The following BMP6 variants were observed in gnomAD, a reference collection of about 807,000 sequenced individuals.
The protein encoded by BMP6 is bone morphogenetic protein 6.
Under a neutral mutation model 54.1 loss-of-function variants are expected in BMP6, and 17 were observed. That is an observed-to-expected ratio of 0.31 (90% confidence interval 0.22 to 0.47). The LOEUF is 0.47. Ranked by LOEUF, BMP6 falls within the 20% of genes least tolerant of loss-of-function variation. The pLI is 1.00. For missense variants in BMP6, 720 were observed against 690.4 expected, an observed-to-expected ratio of 1.04 and a Z score of -0.48; for synonymous variants, 328 against 291.2, an observed-to-expected ratio of 1.13 and a Z score of -1.28.
chr6:7,791,986 TTGGATGGATGGATGGATGGATGGATGGA>T (rs55687662), intron 1 of BMP6, among the ~76,000 whole-genome samples: 3 of 150,314 alleles, frequency 2.0e-5, no homozygotes, highest in African/African-American at 2.5e-5. Flanking sequence ...ACAGGACCAA[TTGGATGGATGGATGGATGGATGGATGGA>T]TGGATGGATG....
At chr6:7,806,401 T>C (rs1164184795) in intron 1 of BMP6, among the ~76,000 whole-genome samples, 1 of 152,254 alleles carries the variant, frequency 6.6e-6, no homozygotes, top group Admixed American at 6.5e-5. Context: ...TTTATGAGTG[T>C]TTGCATTATC....
intron 1 of BMP6, among the ~76,000 whole-genome samples, chr6:7,777,937 T>C (rs1013516375): frequency 6.6e-6 from 1 of 152,174 alleles, no homozygotes; most frequent in African/African-American, 2.4e-5. Flanking sequence ...GGAATAGTGA[T>C]GGCATTGCCC....
At chr6:7,795,719 A>G (rs559861575) in intron 1 of BMP6, among the ~76,000 whole-genome samples, 1 of 152,108 alleles carries the variant, frequency 6.6e-6, no homozygotes, top group Non-Finnish European at 1.5e-5. Flanking sequence ...TAAGGTAGGG[A>G]TGGAACAGAA....
intron 1 of BMP6, among the ~76,000 whole-genome samples, chr6:7,749,172 G>A (rs537128573): frequency 3.3e-4 from 51 of 152,280 alleles, no homozygotes; most frequent in African/African-American, 9.4e-4. Context: ...AGGATTCCAC[G>A]TCACCAATAT....
intron 4 of BMP6, among the ~76,000 whole-genome samples, chr6:7,865,035 C>T (rs1759397009): frequency 6.6e-6 from 1 of 152,110 alleles, no homozygotes; most frequent in South Asian, 2.1e-4. Context: ...ATGTTGATTG[C>T]TTTTTAAAAT....
At chr6:7,807,274 G>C (rs745493557) in intron 1 of BMP6, among the ~76,000 whole-genome samples, 1 of 151,910 alleles carries the variant, frequency 6.6e-6, no homozygotes, top group Admixed American at 6.6e-5. Flanking sequence ...CTGGGACCTC[G>C]TTGTTTTTTG....
intron 1 of BMP6, among the ~76,000 whole-genome samples, chr6:7,742,375 G>A (rs1757281328): frequency 1.3e-5 from 2 of 152,178 alleles, no homozygotes; most frequent in South Asian, 2.1e-4. Flanking sequence ...AAGGAGGCAC[G>A]ACTCTTCACG....
At chr6:7,861,635 A>C (rs757327905) in intron 3 of BMP6, 36 bp downstream of exon 3, 1 of 1,611,616 alleles carries the variant, frequency 6.2e-7, no homozygotes, top group Admixed American at 1.7e-5. Flanking sequence ...ACGTCCAGCA[A>C]GTCATCAGTT....
At chr6:7,791,339 C>T (rs1484012870) in intron 1 of BMP6, among the ~76,000 whole-genome samples, 3 of 152,202 alleles carry the variant, frequency 2.0e-5, no homozygotes, top group South Asian at 2.1e-4. Context: ...CCCACTGCTT[C>T]GGTGAGATGG....
chr6:7,784,369 TGAATC>T (rs2113173340), intron 1 of BMP6, among the ~76,000 whole-genome samples: 1 of 152,312 alleles, frequency 6.6e-6, no homozygotes, highest in African/African-American at 2.4e-5. Context: ...TCTTTCCAAA[TGAATC>T]GACTGTCTTT....
intron 1 of BMP6, among the ~76,000 whole-genome samples, chr6:7,730,603 A>G (rs270416): frequency 0.93 from 142,238 of 152,176 alleles, 66,481 homozygotes; most frequent in East Asian, 1. Context: ...CCATGTAGCA[A>G]TAGGAAAGGG....
At chr6:7,750,048 T>A (rs1437911693) in intron 1 of BMP6, among the ~76,000 whole-genome samples, 3 of 152,144 alleles carry the variant, frequency 2.0e-5, no homozygotes, top group Non-Finnish European at 4.4e-5. Flanking sequence ...ATGGGCACAG[T>A]GGGTGAGACA....
intron 1 of BMP6, among the ~76,000 whole-genome samples, chr6:7,809,742 C>A (rs1156272564): frequency 6.6e-6 from 1 of 152,174 alleles, no homozygotes; most frequent in Non-Finnish European, 1.5e-5. Context: ...AGCCCAATGG[C>A]TGAACAGTGC....
intron 2 of BMP6, among the ~76,000 whole-genome samples, chr6:7,855,601 G>T (rs994692147): frequency 8.3e-6 from 1 of 120,196 alleles, no homozygotes; most frequent in Admixed American, 1.2e-4. Context: ...GTGCTCTGTC[G>T]CTCAGGCTGG....
At chr6:7,826,339 A>G (rs1758698199) in intron 1 of BMP6, among the ~76,000 whole-genome samples, 1 of 152,080 alleles carries the variant, frequency 6.6e-6, no homozygotes, top group Non-Finnish European at 1.5e-5. Flanking sequence ...TGATGTATTG[A>G]TCTCCCAGGT....
intron 1 of BMP6, among the ~76,000 whole-genome samples, chr6:7,804,633 C>T (rs1029781910): frequency 2.0e-4 from 31 of 152,304 alleles, no homozygotes; most frequent in African/African-American, 7.0e-4. Flanking sequence ...AAAATTCATT[C>T]ATTCATTTAG....
At chr6:7,852,759 T>C (rs944336308) in intron 2 of BMP6, among the ~76,000 whole-genome samples, 3 of 152,314 alleles carry the variant, frequency 2.0e-5, no homozygotes, top group Non-Finnish European at 2.9e-5. Context: ...TCTACTTGTT[T>C]TCTCAACTCC....
chr6:7,852,489 A>T (rs139851334), intron 2 of BMP6, among the ~76,000 whole-genome samples: 1 of 152,328 alleles, frequency 6.6e-6, no homozygotes, highest in African/African-American at 2.4e-5. Context: ...AGGTAGGAGG[A>T]TTGCTTGAGC....
At chr6:7,730,170 G>A (rs769072245) in intron 1 of BMP6, among the ~76,000 whole-genome samples, 3 of 152,152 alleles carry the variant, frequency 2.0e-5, no homozygotes, top group Non-Finnish European at 4.4e-5. Flanking sequence ...TTGCTTCTCT[G>A]ACTTTTCGTG....
Sources: gnomAD v4.1 joint callset for allele counts (sites outside exome capture counted in the v4.1 genomes callset) on GRCh38, gnomAD v4.1.1 for gene constraint, MANE v1.5 for transcripts, NCBI Gene and HGNC (gene_info 2026-07-23, HGNC 2026-07-21) for gene names.